SNX14: variants seen among roughly 807,000 people sequenced by gnomAD.
SNX14 encodes the protein sorting nexin-14.
A neutral mutation model predicts 133.8 loss-of-function variants in SNX14; 93 were observed. The ratio of observed to expected loss-of-function variants is 0.70; its 90% confidence interval spans 0.59 to 0.83. The LOEUF (loss-of-function observed/expected upper bound fraction) is 0.83, where lower values mean the gene tolerates loss of function less well. SNX14 is among the 40% of genes least tolerant of loss of function. The pLI, the probability that SNX14 is intolerant of heterozygous loss-of-function variation, is 0.00. For missense variants in SNX14, 945 were observed against 1,094.9 expected (o/e 0.86, Z 1.93); for synonymous variants, 368 against 365.6 (o/e 1.01, Z -0.07).
chr6:85,508,507 G>T, intron 26 of SNX14: 1 of 367,800 alleles, frequency 2.7e-6, no homozygotes, highest in Non-Finnish European at 3.8e-6. Context: ...TACCCAGTGG[G>T]CAGAAGATAG....
At chr6:85,568,466 T>C (rs1357409215) in intron 4 of SNX14, 1 of 152,250 alleles carries the variant, frequency 6.6e-6, no homozygotes, top group Non-Finnish European at 1.5e-5. Flanking sequence ...ATATGTTCGC[T>C]TTGCGAAAAT....
At chr6:85,513,201 C>T (rs1348204864) in intron 26 of SNX14, among the ~76,000 whole-genome samples, 3 of 152,150 alleles carry the variant, frequency 2.0e-5, no homozygotes, top group Admixed American at 6.5e-5. Flanking sequence ...TTGTTATTTC[C>T]CGTCACAGTT....
Position 85,505,927 on chromosome 6 carries a change from C to T in SNX14, c.*40G>A. On this transcript the variant is annotated 3_prime_UTR_variant, in exon 29 of 29. Coordinates refer to ENST00000314673, the MANE Select transcript of SNX14 (RefSeq NM_153816.6). Reference sequence around the variant, plus strand: ...GTAAATTTCTACCACCCTCGCACAGCAGAAATTTCAATGGGTTATTCTATA... The same window carrying T: ...GTAAATTTCTACCACCCTCGCACAGTAGAAATTTCAATGGGTTATTCTATA... The T allele has an allele frequency of 1.4e-6, 2 of 1,470,252 alleles. No individual in the cohort carries two copies. The highest frequency in any genetic ancestry group is 1.9e-6 in the Non-Finnish European group (2 of 1,050,192). The allele number at this position is 1,470,252 out of a possible 1,614,324, so 91.1% of individuals were successfully genotyped here.
intron 1 of SNX14, among the ~76,000 whole-genome samples, chr6:85,590,603 C>G (rs192375467): frequency 8.3e-4 from 126 of 152,294 alleles, no homozygotes; most frequent in African/African-American, 3.0e-3. Context: ...CAGATCTCTT[C>G]CTAAAATTAT....
rs528804971 is a variant in SNX14 at position 85,588,435 on chromosome 6, G to A, written c.140+5144C>T. On this transcript the variant is annotated intron_variant, in intron 1 of 28. Coordinates refer to ENST00000314673, the MANE Select transcript of SNX14 (RefSeq NM_153816.6). ...AAAAATACAAAAAAAAAATTAGCCGGGCGCGGTGGCGGGCGCCTGTAGTCC... is the reference window on the plus strand; with the variant it reads ...AAAAATACAAAAAAAAAATTAGCCGAGCGCGGTGGCGGGCGCCTGTAGTCC... Among the ~76,000 whole-genome samples, 4 of 151,858 alleles carry A rather than the reference G, an allele frequency of 2.6e-5. No homozygotes were observed. The South Asian group carries it at 8.3e-4, about 32-fold the overall frequency.
intron 18 of SNX14, 76 bp from the exon 19 acceptor site, chr6:85,530,351 G>A: frequency 1.0e-6 from 1 of 999,358 alleles, no homozygotes. Flanking sequence ...AAAACATTAA[G>A]AATACAAAGC....
chr6:85,582,240 C>A (rs915372780), intron 1 of SNX14, among the ~76,000 whole-genome samples: 1 of 152,040 alleles, frequency 6.6e-6, no homozygotes, highest in African/African-American at 2.4e-5. Context: ...AACTTTCACC[C>A]TAGAGTAGTA....
chr6:85,593,454 A>G lies in SNX14; in HGVS notation c.140+125T>C, dbSNP rs923251965. The G allele has an allele frequency of 1.6e-4, 225 of 1,386,486 alleles. 1 individual carries two copies. Among genetic ancestry groups the G allele is most frequent in the Non-Finnish European group, 1.7e-4 (176 of 1,053,576 alleles). 85.9% of individuals were successfully genotyped at this position (1,386,486 alleles called of 1,614,324 possible). A position where few individuals can be genotyped will look rare whatever the true frequency, so the allele number is the denominator to read the frequency against. ...GCTCCCCGAGGCCGCTCCTCTGCGG[A>G]GCTCGCTCTCCCCACTGGTCCCCAG... is the stretch of plus-strand genomic sequence containing the variant. On this transcript the variant is annotated intron_variant, in intron 1 of 28. Transcript: ENST00000314673.
rs1775611212 is a variant in SNX14, at chr6:85,517,933, T to C, written c.2149-58A>G. On this transcript the variant is annotated intron_variant, in intron 22 of 28. Transcript: ENST00000314673. ...AATAAAGGTAATTTTTAGTACATAA[T>C]CCAGCAAAATTTATCAATATTTAAA... 2.5e-6 allele frequency: 4 copies of C among 1,578,912 alleles called. No individual in the cohort carries two copies. The South Asian group carries it at 3.6e-5, about 14-fold the overall frequency.
At position 85,513,938 on chromosome 6, in the gene SNX14, T is replaced by A. The variant is rs1773862592; in HGVS notation, c.2558-43A>T. 3 of 1,574,124 alleles carry A rather than the reference T, an allele frequency of 1.9e-6. No homozygotes were observed. In the South Asian group the frequency reaches 3.5e-5, roughly 18 times the overall value. Reference sequence around the variant, plus strand: ...GAAATATTTCTGGAATTTTCATCTATTTATACACAAAGGATTTCCTCATAG... The same window carrying A: ...GAAATATTTCTGGAATTTTCATCTAATTATACACAAAGGATTTCCTCATAG... On this transcript the variant is annotated intron_variant, in intron 25 of 28. Coordinates refer to ENST00000314673, the MANE Select transcript of SNX14 (RefSeq NM_153816.6).
intron 1 of SNX14, among the ~76,000 whole-genome samples, chr6:85,575,833 T>C (rs903751236): frequency 1.3e-5 from 2 of 152,208 alleles, no homozygotes; most frequent in Non-Finnish European, 2.9e-5. Flanking sequence ...ACATTGAAAG[T>C]TGATCCAAAC....
chr6:85,515,214 C>A (rs1318466589), intron 23 of SNX14, among the ~76,000 whole-genome samples: 1 of 142,970 alleles, frequency 7.0e-6, no homozygotes, highest in East Asian at 2.2e-4. Context: ...TAACAGTGAG[C>A]CGAAATCGTG....
At chr6:85,560,019 A>G (rs1261162073) in intron 6 of SNX14, among the ~76,000 whole-genome samples, 3 of 152,236 alleles carry the variant, frequency 2.0e-5, no homozygotes, top group Non-Finnish European at 1.5e-5. Flanking sequence ...GGAGAAATTG[A>G]GATCCTCATA....
rs1003216344 is a variant in SNX14 at position 85,547,452 on chromosome 6, C to T, written c.912+54G>A. Reference sequence around the variant, plus strand: ...TAAAATTCCCACTTGATTTGACATACAAAATCAAAATTCAATGCAATCTGA... The same window carrying T: ...TAAAATTCCCACTTGATTTGACATATAAAATCAAAATTCAATGCAATCTGA... On this transcript the variant is annotated intron_variant, in intron 10 of 28. Transcript: ENST00000314673. 3.1e-6 allele frequency: 5 copies of T among 1,603,862 alleles called. No homozygotes were observed. The African/African-American group carries it at 5.4e-5, about 17-fold the overall frequency.
intron 17 of SNX14, among the ~76,000 whole-genome samples, chr6:85,534,906 C>T (rs746581876): frequency 2.8e-5 from 4 of 143,840 alleles, no homozygotes; most frequent in Admixed American, 2.1e-4. Flanking sequence ...TATGCACGTA[C>T]GTGGCATTTA....
chr6:85,541,192 C>T (rs759857990), intron 15 of SNX14, among the ~76,000 whole-genome samples: 5 of 151,968 alleles, frequency 3.3e-5, no homozygotes, highest in Admixed American at 6.6e-5. Flanking sequence ...GGGGTTTCAC[C>T]ACGTTGGCCA....
intron 5 of SNX14, among the ~76,000 whole-genome samples, chr6:85,566,167 G>T (rs765433971): frequency 2.6e-5 from 4 of 152,180 alleles, no homozygotes; most frequent in Non-Finnish European, 4.4e-5. Context: ...AATACAACTA[G>T]ATTTTATGTC....
chr6:85,567,620 G>T, intron 4 of SNX14, 43 bp from the exon 5 acceptor site: 1 of 1,324,612 alleles, frequency 7.5e-7, no homozygotes, highest in African/African-American at 1.6e-5. Flanking sequence ...AAATTAATTA[G>T]TTTTTGGAAA....
chr6:85,593,088 A>G (rs951954145), intron 1 of SNX14, among the ~76,000 whole-genome samples: 2 of 152,166 alleles, frequency 1.3e-5, no homozygotes, highest in African/African-American at 4.8e-5. Context: ...AATCTTTATG[A>G]TCGTCTGTTT....
Sources: allele counts gnomAD v4.1 joint callset (sites outside exome capture counted in the v4.1 genomes callset), GRCh38; gene constraint gnomAD v4.1.1; transcripts MANE v1.5; gene names NCBI Gene and HGNC (gene_info 2026-07-23, HGNC 2026-07-21).